DYRK1B: variants seen among roughly 807,000 people sequenced by gnomAD.
DYRK1B encodes dual specificity tyrosine phosphorylation regulated kinase 1B.
DYRK1B carries 20 observed loss-of-function variants against 57.1 expected under a neutral mutation model. The ratio of observed to expected loss-of-function variants is 0.35; its 90% confidence interval spans 0.25 to 0.51. The LOEUF (loss-of-function observed/expected upper bound fraction) is 0.51. Ranked by LOEUF, DYRK1B falls within the 20% of genes least tolerant of loss-of-function variation. The pLI is 0.96. For missense variants in DYRK1B, 732 were observed against 886.3 expected (o/e 0.83, Z 2.21); for synonymous variants, 409 against 384.7 (o/e 1.06, Z -0.74).
chr19:39,827,164 G>A, intron 8 of DYRK1B, 121 bp downstream of exon 8: 1 of 1,347,782 alleles, frequency 7.4e-7, no homozygotes, highest in Non-Finnish European at 1.0e-6. Flanking sequence ...GGAAGGAAAG[G>A]ACAGACAAGG....
chr19:39,827,423 G>A lies in DYRK1B; in HGVS notation c.957C>T (p.Val319=), dbSNP rs752861230. ...CCTCCACAATGCGGTTCATCTGGTC[G>A]ACCTGTGAGCAGGCAGGGGTCAAGG... ...GEPLFSGSNE[V]DQMNRIVEVL... Residue 319 remains valine, a splice_region_variant and synonymous_variant, in exon 8 of 11, where the codon GTC becomes GTT. Transcript: ENST00000323039. 2.0e-5 allele frequency: 32 copies of A among 1,611,780 alleles called. No homozygotes were observed. In the East Asian group the frequency reaches 3.6e-4, roughly 18 times the overall value.
At position 39,830,024 on chromosome 19, in the gene DYRK1B, C is replaced by T; in HGVS notation, c.376G>A (p.Val126Met). The T allele has an allele frequency of 2.5e-6, 4 of 1,613,962 alleles. No individual in the cohort carries two copies. Among genetic ancestry groups the T allele is most frequent in the Non-Finnish European group, 3.4e-6 (4 of 1,179,966 alleles). The change falls in exon 5 of 11, where the codon GTG (valine) becomes ATG (methionine). Residue 126 changes from valine to methionine, a missense_variant. Val to Met is a conservative substitution (Grantham distance 21). This residue lies in a region of DYRK1B where 510 missense variants were observed against 681.3 expected (regional missense o/e 0.75). Coordinates refer to ENST00000323039, the MANE Select transcript of DYRK1B (RefSeq NM_004714.3). The stretch of plus-strand genomic sequence containing the variant: ...TGGGTCTGATGATCATAGGCTTTCA[C>T]CACCTGTTGGGGCAGGGCATGTCAC... ...LIGKGSFGQV[V>M]KAYDHQTQEL...
Position 39,826,270 on chromosome 19 carries a change from G to A in DYRK1B, c.1428C>T (p.Ser476=), listed in dbSNP as rs771900370. Residue 476 remains serine (S), a synonymous_variant, in exon 10 of 11, where the codon TCC becomes TCT. Transcript: ENST00000323039. The surrounding 1 kb of genome is among the most constrained non-coding windows in gnomAD (Gnocchi z 6.3). ...AGCGGTAGGTCCGGTTGTCACTGGAGGAGCCACTGGAGCCTCCTGGAAGTG... is the reference window on the plus strand; with the variant it reads ...AGCGGTAGGTCCGGTTGTCACTGGAAGAGCCACTGGAGCCTCCTGGAAGTG... ...SISSSGGSSG[S]SSDNRTYRYS... is the part of the protein sequence containing the mutation. 1.3e-6 allele frequency: 2 copies of A among 1,581,872 alleles called. No homozygotes were observed. Among genetic ancestry groups the A allele is most frequent in the Admixed American group, 3.8e-5 (2 of 52,188 alleles).
chr19:39,825,364 T>A lies in DYRK1B; in HGVS notation c.*351A>T. ...TCAGGCAGGCATGTGAGAAAGCTCT[T>A]TACTGGGGGTACAGCGAGGAGGAGC... On this transcript the variant is annotated 3_prime_UTR_variant, in exon 11 of 11. Coordinates refer to ENST00000323039, the MANE Select transcript of DYRK1B (RefSeq NM_004714.3). The A allele has an allele frequency of 4.2e-6, 1 of 235,390 alleles. No homozygotes were observed. Among genetic ancestry groups the A allele is most frequent in the South Asian group, 6.8e-5 (1 of 14,680 alleles). 14.6% of individuals were successfully genotyped at this position (235,390 alleles called of 1,614,324 possible).
In DYRK1B at chr19:39,828,250, C is replaced by T. The variant is rs1968631295; in HGVS notation, c.807+47G>A. The T allele has an allele frequency of 1.3e-6, 2 of 1,597,348 alleles. No individual in the cohort carries two copies. Among genetic ancestry groups the T allele is most frequent in the South Asian group, 1.1e-5 (1 of 88,624 alleles). On this transcript the variant is annotated intron_variant, in intron 6 of 10. Transcript: ENST00000323039. The surrounding 1 kb of genome is among the most constrained non-coding windows in gnomAD (Gnocchi z 4.3). ...CCCCTAAGCCTCCCGTTGGCTCTGCCCCACCCAAACTACTAGCCGTGCTCC... is the reference window on the plus strand; with the variant it reads ...CCCCTAAGCCTCCCGTTGGCTCTGCTCCACCCAAACTACTAGCCGTGCTCC...
rs1399700027 is a variant in DYRK1B, at chr19:39,830,388, C to T, written c.359G>A (p.Gly120Asp). The part of the protein sequence containing the change: ...RYEIDSLIGK[G>D]SFGQVVKAYD... ...GGTGTCCCACACCTGGCCAAAGGAG[C>T]CTTTGCCAATGAGCGAGTCAATTTC... The change falls in exon 4 of 11, where the codon GGC (glycine) becomes GAC (aspartate). Residue 120 changes from glycine (G) to aspartate (D), a missense_variant. This residue lies in a region of DYRK1B where 510 missense variants were observed against 681.3 expected (regional missense o/e 0.75). Coordinates refer to ENST00000323039, the MANE Select transcript of DYRK1B (RefSeq NM_004714.3). 1 of 1,614,092 alleles carries T rather than the reference C, an allele frequency of 6.2e-7. No homozygotes were observed. Among genetic ancestry groups the T allele is most frequent in the South Asian group, 1.1e-5 (1 of 91,082 alleles).
At chr19:39,830,304 C>T in intron 4 of DYRK1B, 71 bp downstream of exon 4, 1 of 1,588,494 alleles carries the variant, frequency 6.3e-7, no homozygotes, top group Non-Finnish European at 8.6e-7. Context: ...GGACTTGAAG[C>T]CACTGAACCA....
At position 39,828,635 on chromosome 19, in the gene DYRK1B, A is replaced by G; in HGVS notation, c.521-52T>C. ...AGAGAAGAAACGGCTCAGAGAGGGCAGGTGGTGGCCTGGGGTCATACAACG... is the reference window on the plus strand; with the variant it reads ...AGAGAAGAAACGGCTCAGAGAGGGCGGGTGGTGGCCTGGGGTCATACAACG... On this transcript the variant is annotated intron_variant, in intron 5 of 10. Coordinates refer to ENST00000323039, the MANE Select transcript of DYRK1B (RefSeq NM_004714.3). This position sits in a 1 kb window ranked among gnomAD's most constrained non-coding sequence, Gnocchi z 4.3. 6.4e-7 allele frequency: 1 copy of G among 1,558,160 alleles called. No homozygotes were observed. Among genetic ancestry groups the G allele is most frequent in the East Asian group, 2.3e-5 (1 of 43,790 alleles).
chr19:39,830,252 G>T, intron 4 of DYRK1B, 123 bp downstream of exon 4: 1 of 1,321,000 alleles, frequency 7.6e-7, no homozygotes, highest in Non-Finnish European at 1.1e-6. Flanking sequence ...GGCGACTGAG[G>T]CACAGGGAAA....
chr19:39,827,011 G>A, intron 8 of DYRK1B, 24 bp from the exon 9 acceptor site: 1 of 1,345,816 alleles, frequency 7.4e-7, no homozygotes, highest in Non-Finnish European at 9.7e-7. Flanking sequence ...GGTGGGAGGG[G>A]GGGCAAGAGA....
chr19:39,832,285 C>G (rs886685427), intron 1 of DYRK1B, among the ~76,000 whole-genome samples: 3 of 151,968 alleles, frequency 2.0e-5, no homozygotes, highest in African/African-American at 7.3e-5. Context: ...AGGAAGACAC[C>G]AATAATTCAG....
chr19:39,826,100 G>A lies in DYRK1B; in HGVS notation c.1519-14C>T, dbSNP rs769195199. On this transcript the variant is annotated splice_polypyrimidine_tract_variant and intron_variant, in intron 10 of 10. Coordinates refer to ENST00000323039, the MANE Select transcript of DYRK1B (RefSeq NM_004714.3). The surrounding 1 kb of genome is among the most constrained non-coding windows in gnomAD (Gnocchi z 6.3). Reference sequence around the variant, plus strand: ...GGAGGGTGGGACCTAAAAAAGCAAAGGAGCCATGGGTGATGGAGACCCTGG... The same window carrying A: ...GGAGGGTGGGACCTAAAAAAGCAAAAGAGCCATGGGTGATGGAGACCCTGG... The A allele has an allele frequency of 3.2e-5, 49 of 1,530,676 alleles. 1 individual carries two copies. The South Asian group carries it at 6.1e-4, about 19-fold the overall frequency. 94.8% of individuals were successfully genotyped at this position (1,530,676 alleles called of 1,614,324 possible).
intron 5 of DYRK1B, among the ~76,000 whole-genome samples, chr19:39,829,340 C>T (rs2145021971): frequency 6.6e-6 from 1 of 152,058 alleles, no homozygotes; most frequent in South Asian, 2.1e-4. Flanking sequence ...GATTCTCCTG[C>T]CTCAGCCTCC....
intron 1 of DYRK1B, chr19:39,833,430 C>G (rs1342946654): frequency 1.1e-6 from 1 of 870,824 alleles, no homozygotes; most frequent in Non-Finnish European, 1.4e-6. Flanking sequence ...GGACAGGAGG[C>G]CCGGTGGGTG....
At chr19:39,830,828 C>T (rs1279089618) in intron 2 of DYRK1B, 45 bp from the exon 3 acceptor site, 1 of 1,568,552 alleles carries the variant, frequency 6.4e-7, no homozygotes, top group South Asian at 1.2e-5. Flanking sequence ...GTGCCTTCAC[C>T]TCCGACCTCA....
At chr19:39,831,711 T>G in intron 2 of DYRK1B, 94 bp downstream of exon 2, 1 of 1,473,730 alleles carries the variant, frequency 6.8e-7, no homozygotes. Flanking sequence ...CAGAAGAATG[T>G]CTTGGGCAAC....
chr19:39,828,242 G>C lies in DYRK1B; in HGVS notation c.807+55C>G, dbSNP rs1215270626. 1.9e-6 allele frequency: 3 copies of C among 1,572,922 alleles called. No homozygotes were observed. The highest frequency in any genetic ancestry group is 2.6e-6 in the Non-Finnish European group (3 of 1,153,498). On this transcript the variant is annotated intron_variant, in intron 6 of 10. Transcript: ENST00000323039. The surrounding 1 kb of genome is among the most constrained non-coding windows in gnomAD (Gnocchi z 4.3). ...AAGCCCCGCCCCTAAGCCTCCCGTT[G>C]GCTCTGCCCCACCCAAACTACTAGC...
rs1188626514 is a variant in DYRK1B, at chr19:39,831,793, C to G, written c.63+12G>C. The G allele has an allele frequency of 6.5e-7, 1 of 1,549,026 alleles. No homozygotes were observed. The highest frequency in any genetic ancestry group is 1.2e-5 in the South Asian group (1 of 83,934). ...TACCACCACGCAGGTGAGGAGCCAG[C>G]TGAACGCGTACCTGCGTGTGCTCCT... On this transcript the variant is annotated intron_variant, in intron 2 of 10. Transcript: ENST00000323039.
Position 39,826,193 on chromosome 19 carries a change from A to G in DYRK1B, c.1505T>C (p.Met502Thr), listed in dbSNP as rs1968526726. The change falls in exon 10 of 11, where the codon ATG becomes ACG. Residue 502 changes from methionine to threonine, a missense_variant. Coordinates refer to ENST00000323039, the MANE Select transcript of DYRK1B (RefSeq NM_004714.3). This position sits in a 1 kb window ranked among gnomAD's most constrained non-coding sequence, Gnocchi z 6.3. Reference protein sequence around the residue: ...GPGPPITDCEMNSPQVPPSQP... With the variant: ...GPGPPITDCETNSPQVPPSQP... The stretch of plus-strand genomic sequence containing the variant: ...AAGCCCCATTACCTGGGGGCTGTTC[A>G]TCTCACAGTCTGTGATAGGGGGCCC... The G allele has an allele frequency of 6.2e-7, 1 of 1,602,514 alleles. No individual in the cohort carries two copies. Among genetic ancestry groups the G allele is most frequent in the African/African-American group, 1.4e-5 (1 of 74,022 alleles).
Sources: allele counts gnomAD v4.1 joint callset (sites outside exome capture counted in the v4.1 genomes callset), GRCh38; gene constraint gnomAD v4.1.1; regional missense constraint gnomAD v4.1.1; non-coding constraint Gnocchi (gnomAD v3.1); transcripts MANE v1.5; gene names NCBI Gene and HGNC (gene_info 2026-07-23, HGNC 2026-07-21).